SYNE2: variants seen among roughly 807,000 people sequenced by gnomAD.
SYNE2 encodes the protein nesprin-2.
In SYNE2, 431 loss-of-function variants were observed where a neutral mutation model predicts 856.3. The observed-to-expected ratio is 0.50, with a 90% CI of 0.47 to 0.55. SYNE2 has a LOEUF of 0.55. Among genes scored for constraint, SYNE2 ranks in the 20% least tolerant of loss-of-function variants. The probability of loss-of-function intolerance (pLI) is 0.00; values close to 1 mark genes in which losing one functional copy is unlikely to be tolerated. For missense variants in SYNE2, 8,129 were observed against 8,023.2 expected (o/e 1.01, Z -0.50); for synonymous variants, 2,923 against 2,872.3 (o/e 1.02, Z -0.56).
chr14:64,034,961 A>G (rs1013132880), intron 45 of SYNE2, among the ~76,000 whole-genome samples: 10 of 150,446 alleles, frequency 6.6e-5, no homozygotes, highest in Non-Finnish European at 1.3e-4. Flanking sequence ...TCATAATACA[A>G]CATTACAGCT....
chr14:63,831,820 A>AG (rs1318721938), intron 1 of SYNE2, among the ~76,000 whole-genome samples: 1 of 152,012 alleles, frequency 6.6e-6, no homozygotes, highest in East Asian at 1.9e-4. Context: ...CTGGGATTAC[A>AG]GGTGTGAGCC....
intron 29 of SYNE2, 47 bp from the exon 30 acceptor site, chr14:64,002,673 T>C (rs2096764514): frequency 6.3e-7 from 1 of 1,599,444 alleles, no homozygotes; most frequent in African/African-American, 1.4e-5. Context: ...CATGTAGCCT[T>C]TCTTTTTTCC....
chr14:64,097,849 A>G (rs548726390), intron 61 of SYNE2, 100 bp from the exon 62 acceptor site: 248 of 1,219,116 alleles, frequency 2.0e-4, no homozygotes, highest in Non-Finnish European at 3.0e-5. Flanking sequence ...ACCAAATAGC[A>G]AAGAAAAATC....
intron 1 of SYNE2, among the ~76,000 whole-genome samples, chr14:63,774,468 CAAAAAAAAA>C (rs748830808): frequency 1.0e-5 from 1 of 95,326 alleles, no homozygotes; most frequent in African/African-American, 4.2e-5. Flanking sequence ...GACTCCGTCT[CAAAAAAAAA>C]AAAAAAAAAG....
chr14:63,864,491 GTCA>G (rs1894670025), intron 1 of SYNE2: 1 of 152,220 alleles, frequency 6.6e-6, no homozygotes, highest in Non-Finnish European at 1.5e-5. Context: ...CCTTGGGTGA[GTCA>G]TCATGTTGTC....
intron 6 of SYNE2, among the ~76,000 whole-genome samples, chr14:63,948,764 A>G (rs1423376253): frequency 2.3e-4 from 15 of 64,500 alleles, no homozygotes; most frequent in African/African-American, 7.0e-4. Flanking sequence ...ATATATGTAT[A>G]TATATGTATG....
chr14:64,223,610 C>CTT (rs148658717), intron 113 of SYNE2, among the ~76,000 whole-genome samples: 1 of 151,504 alleles, frequency 6.6e-6, no homozygotes, highest in Non-Finnish European at 1.5e-5. Flanking sequence ...AATTTTTAAA[C>CTT]TTTTTTTAAA....
chr14:64,099,377 A>AT (rs1454419467), intron 63 of SYNE2: 1 of 171,912 alleles, frequency 5.8e-6, no homozygotes, highest in Non-Finnish European at 1.2e-5. Context: ...GCAACTTACA[A>AT]TTTTTGTGAC....
chr14:64,159,694 T>TA (rs745418809), intron 87 of SYNE2, among the ~76,000 whole-genome samples: 7 of 152,212 alleles, frequency 4.6e-5, no homozygotes, highest in Non-Finnish European at 8.8e-5. Flanking sequence ...TGTACTCACT[T>TA]ACAGACAGTA....
chr14:64,219,858 A>G (rs2098686517), intron 110 of SYNE2, among the ~76,000 whole-genome samples: 1 of 152,000 alleles, frequency 6.6e-6, no homozygotes, highest in South Asian at 2.1e-4. Context: ...TGACCTCATT[A>G]CCCTTTTATG....
At chr14:64,147,233 C>T (rs996703126) in intron 84 of SYNE2, among the ~76,000 whole-genome samples, 3 of 152,144 alleles carry the variant, frequency 2.0e-5, no homozygotes, top group African/African-American at 4.8e-5. Context: ...TCGGTCAGGC[C>T]GGCTTCCTTC....
At chr14:64,078,229 TA>T (rs1020648620) in intron 54 of SYNE2, among the ~76,000 whole-genome samples, 1 of 152,142 alleles carries the variant, frequency 6.6e-6, no homozygotes, top group Non-Finnish European at 1.5e-5. Flanking sequence ...ACAGTACAAA[TA>T]AAAAACCAAT....
chr14:63,890,442 A>G (rs1295016799), intron 1 of SYNE2, among the ~76,000 whole-genome samples: 1 of 152,178 alleles, frequency 6.6e-6, no homozygotes, highest in Non-Finnish European at 1.5e-5. Context: ...CAGAAAAGCA[A>G]GGGGAAGTTT....
chr14:63,774,810 T>C lies in SYNE2; in HGVS notation c.-305+12824T>C, dbSNP rs78726756. ...AACAAAATGCCATAAATTGCATGGCTTAAACAACAGTTTAAGCCATTTAAT... is the reference window on the plus strand; with the variant it reads ...AACAAAATGCCATAAATTGCATGGCCTAAACAACAGTTTAAGCCATTTAAT... On this transcript the variant is annotated intron_variant, in intron 1 of 23. Coordinates refer to the SYNE2 transcript ENST00000674003. 2.8e-3 allele frequency among the ~76,000 whole-genome samples: 433 copies of C among 152,172 alleles called. 7 individuals are homozygous for C. The East Asian group carries it at 0.047, about 17-fold the overall frequency.
intron 1 of SYNE2, among the ~76,000 whole-genome samples, chr14:63,902,407 C>CAAAAAA (rs10533353): frequency 2.3e-4 from 17 of 74,588 alleles, no homozygotes; most frequent in African/African-American, 3.5e-4. Context: ...CGAGACTCCT[C>CAAAAAA]AAAAAAAAAA....
chr14:64,139,816 A>T, intron 79 of SYNE2, 125 bp from the exon 80 acceptor site: 2 of 954,232 alleles, frequency 2.1e-6, no homozygotes, highest in Non-Finnish European at 3.4e-6. Flanking sequence ...ACGTCATGAT[A>T]TTCTGAATGT....
At chr14:63,785,548 A>G (rs1194898491) in intron 1 of SYNE2, among the ~76,000 whole-genome samples, 2 of 152,100 alleles carry the variant, frequency 1.3e-5, no homozygotes, top group South Asian at 2.1e-4. Flanking sequence ...ACAATTTCAA[A>G]CCTGTTCATG....
rs562322351 is a variant in SYNE2, at chr14:63,821,818, T to TA, written c.-304-30678dup. On this transcript the variant is annotated intron_variant, in intron 1 of 23. Coordinates refer to the SYNE2 transcript ENST00000674003. ...TGTTCATTCATAAAAGGAACTTGTCTAAAAATTGTCCAAATCAAATTGTTC... is the reference window on the plus strand; with the variant it reads ...TGTTCATTCATAAAAGGAACTTGTCTAAAAAATTGTCCAAATCAAATTGTTC... 1.0e-3 allele frequency among the ~76,000 whole-genome samples: 156 copies of TA among 152,188 alleles called. 1 individual carries two copies. Among genetic ancestry groups the TA allele is most frequent in the Non-Finnish European group, 1.0e-3 (69 of 67,982 alleles).
intron 90 of SYNE2, 148 bp downstream of exon 90, chr14:64,165,558 G>A: frequency 1.1e-6 from 1 of 900,346 alleles, no homozygotes; most frequent in East Asian, 2.7e-5. Context: ...TGTCACCCAG[G>A]CTGGAGTGCA....
Sources: allele counts gnomAD v4.1 joint callset (sites outside exome capture counted in the v4.1 genomes callset), GRCh38; gene constraint gnomAD v4.1.1; transcripts MANE v1.5; gene names NCBI Gene and HGNC (gene_info 2026-07-23, HGNC 2026-07-21).